KCNH8: variants seen among roughly 807,000 people sequenced by gnomAD.
The protein encoded by KCNH8 is voltage-gated delayed rectifier potassium channel KCNH8.
A neutral mutation model predicts 103.6 loss-of-function variants in KCNH8; 70 were observed. That is an observed-to-expected ratio of 0.68 (90% CI 0.56 to 0.82). The LOEUF (loss-of-function observed/expected upper bound fraction) is 0.82, where lower values mean the gene tolerates loss of function less well. KCNH8 is among the 40% of genes least tolerant of loss of function. The probability of loss-of-function intolerance (pLI) is 0.00; values close to 1 mark genes in which losing one functional copy is unlikely to be tolerated. For missense variants in KCNH8, 1,217 were observed against 1,329.9 expected, an observed-to-expected ratio of 0.92 and a Z score of 1.32; for synonymous variants, 498 against 489.4, an observed-to-expected ratio of 1.02 and a Z score of -0.23.
At chr3:19,303,228 A>G (rs1193451160) in intron 3 of KCNH8, among the ~76,000 whole-genome samples, 1 of 152,226 alleles carries the variant, frequency 6.6e-6, no homozygotes. Context: ...AGTGAAGTTT[A>G]TCTGTGGAAA....
chr3:19,428,554 A>T (rs2067063281), intron 7 of KCNH8, among the ~76,000 whole-genome samples: 1 of 152,230 alleles, frequency 6.6e-6, no homozygotes, highest in Admixed American at 6.5e-5. Context: ...CAGCAATAGT[A>T]AAAGCCTTAT....
At chr3:19,525,739 G>A (rs915629117) in intron 15 of KCNH8, among the ~76,000 whole-genome samples, 1 of 151,870 alleles carries the variant, frequency 6.6e-6, no homozygotes, top group Non-Finnish European at 1.5e-5. Flanking sequence ...GGCTGCACCT[G>A]CAAAAGTAAA....
intron 1 of KCNH8, among the ~76,000 whole-genome samples, chr3:19,191,610 C>G (rs935438900): frequency 4.0e-5 from 6 of 151,612 alleles, no homozygotes; most frequent in African/African-American, 1.5e-4. Context: ...TTCTCTAGAA[C>G]TCCTGTTAGA....
chr3:19,223,970 T>C (rs2063902235), intron 1 of KCNH8, among the ~76,000 whole-genome samples: 1 of 152,136 alleles, frequency 6.6e-6, no homozygotes, highest in Admixed American at 6.5e-5. Context: ...TTTGAAATCA[T>C]ATTTGGTATG....
At chr3:19,443,568 A>G (rs1295260027) in intron 8 of KCNH8, among the ~76,000 whole-genome samples, 1 of 151,632 alleles carries the variant, frequency 6.6e-6, no homozygotes, top group Non-Finnish European at 1.5e-5. Flanking sequence ...GGAATATTTA[A>G]AACTATAAAT....
chr3:19,187,325 T>C (rs1252000615), intron 1 of KCNH8, among the ~76,000 whole-genome samples: 1 of 151,976 alleles, frequency 6.6e-6, no homozygotes, highest in Non-Finnish European at 1.5e-5. Flanking sequence ...TGCATAGATA[T>C]ATATATACTT....
chr3:19,287,752 A>T (rs1370061024), intron 3 of KCNH8, among the ~76,000 whole-genome samples: 2 of 151,990 alleles, frequency 1.3e-5, no homozygotes, highest in Non-Finnish European at 2.9e-5. Flanking sequence ...CACCCAGCTA[A>T]TTTTTGTATT....
chr3:19,457,163 A>T (rs1360890923), intron 11 of KCNH8, among the ~76,000 whole-genome samples, 181 bp downstream of exon 11: 1 of 152,046 alleles, frequency 6.6e-6, no homozygotes, highest in Non-Finnish European at 1.5e-5. Context: ...AGAGTTTGTT[A>T]TTAACATTCT....
At chr3:19,332,634 A>AT (rs1160760818) in intron 3 of KCNH8, among the ~76,000 whole-genome samples, 1 of 151,154 alleles carries the variant, frequency 6.6e-6, no homozygotes, top group South Asian at 2.1e-4. Flanking sequence ...TTTTCTTTTT[A>AT]TTTTTTTTCT....
intron 4 of KCNH8, among the ~76,000 whole-genome samples, chr3:19,346,166 T>C (rs765748057): frequency 1.3e-4 from 20 of 152,082 alleles, no homozygotes; most frequent in Non-Finnish European, 1.9e-4. Context: ...CCAATCATGT[T>C]ATTACAACTT....
chr3:19,237,890 TTTGAA>T (rs1335723026), intron 1 of KCNH8, among the ~76,000 whole-genome samples: 1 of 152,218 alleles, frequency 6.6e-6, no homozygotes, highest in Non-Finnish European at 1.5e-5. Flanking sequence ...AAAGGTCCAT[TTTGAA>T]ACTATTGGAT....
rs769544712 is a variant in KCNH8, at chr3:19,347,762, A to T, written c.608A>T (p.Lys203Ile). 1.2e-6 allele frequency: 2 copies of T among 1,613,068 alleles called. No homozygotes were observed. The highest frequency in any genetic ancestry group is 1.7e-6 in the Non-Finnish European group (2 of 1,179,340). Residue 203 changes from lysine (K) to isoleucine (I), a missense_variant, in exon 5 of 16, where the codon AAA becomes ATA. Lys to Ile is a moderately radical substitution (Grantham distance 102). This residue lies in a region of KCNH8 where 244 missense variants were observed against 256.8 expected (regional missense o/e 0.95). Transcript: ENST00000328405. ...GATAAACCAGCATTTCCGGAGTATA[A>T]AGTTTCTGATGCAAAAAAGTCCAAA... ...FVDKPAFPEYKVSDAKKSKFI... is the reference protein window; with the variant it reads ...FVDKPAFPEYIVSDAKKSKFI...
At chr3:19,258,954 T>C (rs2064388991) in intron 2 of KCNH8, among the ~76,000 whole-genome samples, 2 of 94,998 alleles carry the variant, frequency 2.1e-5, no homozygotes, top group South Asian at 6.8e-4. Context: ...TCTCTATATA[T>C]ATATATATAT....
intron 11 of KCNH8, among the ~76,000 whole-genome samples, chr3:19,463,329 A>G (rs1041153393): frequency 6.6e-6 from 1 of 152,168 alleles, no homozygotes; most frequent in South Asian, 2.1e-4. Context: ...AATTGAATGC[A>G]AAAGTTTCAT....
rs2069239666 is a variant in KCNH8, at chr3:19,534,790, C to G, written c.*691C>G. Reference sequence around the variant, plus strand: ...GTAAAAAAAAAGCTTGCTGTTTTAACAAGAAATGCACTACTGTTGTGTATA... The same window carrying G: ...GTAAAAAAAAAGCTTGCTGTTTTAAGAAGAAATGCACTACTGTTGTGTATA... On this transcript the variant is annotated 3_prime_UTR_variant, in exon 16 of 16. Coordinates refer to ENST00000328405, the MANE Select transcript of KCNH8 (RefSeq NM_144633.3). The G allele has an allele frequency of 6.6e-6, 1 of 152,170 alleles. No individual in the cohort carries two copies. Among genetic ancestry groups the G allele is most frequent in the African/African-American group, 2.4e-5 (1 of 41,356 alleles). The allele number at this position is 152,170 out of a possible 1,614,324, so 9.4% of individuals were successfully genotyped here.
intron 5 of KCNH8, among the ~76,000 whole-genome samples, chr3:19,349,226 G>T (rs146096575): frequency 6.6e-6 from 1 of 151,742 alleles, no homozygotes; most frequent in Non-Finnish European, 1.5e-5. Flanking sequence ...AACCATAAAG[G>T]GATCTATTAA....
intron 1 of KCNH8, among the ~76,000 whole-genome samples, chr3:19,201,575 C>G (rs1400897118): frequency 6.6e-6 from 1 of 151,972 alleles, no homozygotes; most frequent in Non-Finnish European, 1.5e-5. Flanking sequence ...ATATTCTACT[C>G]CACCAGCTGC....
chr3:19,491,340 T>A (rs1328024603), intron 11 of KCNH8, among the ~76,000 whole-genome samples: 2 of 152,194 alleles, frequency 1.3e-5, no homozygotes, highest in African/African-American at 4.8e-5. Context: ...CCCCGCTCTC[T>A]CTAGCAGTCC....
intron 3 of KCNH8, among the ~76,000 whole-genome samples, chr3:19,336,808 A>T (rs2065590707): frequency 6.6e-6 from 1 of 152,008 alleles, no homozygotes; most frequent in Admixed American, 6.6e-5. Flanking sequence ...TTTAAATGGG[A>T]ACAAGTGCTC....
Sources: allele counts gnomAD v4.1 joint callset (sites outside exome capture counted in the v4.1 genomes callset), GRCh38; gene constraint gnomAD v4.1.1; regional missense constraint gnomAD v4.1.1; transcripts MANE v1.5; gene names NCBI Gene and HGNC (gene_info 2026-07-23, HGNC 2026-07-21).